The following MXRA7 variants were observed in gnomAD, a reference collection of about 807,000 sequenced individuals.
MXRA7 encodes the protein matrix remodeling associated 7.
A neutral mutation model predicts 17.4 loss-of-function variants in MXRA7; 18 were observed. That is an observed-to-expected ratio of 1.03 (90% CI 0.71 to 1.53). The LOEUF is 1.53. Among genes scored for constraint, MXRA7 ranks in the 40% most tolerant of loss-of-function variants. The probability of loss-of-function intolerance (pLI) is 0.00; values close to 1 mark genes in which losing one functional copy is unlikely to be tolerated. For missense variants in MXRA7, 141 were observed against 209.3 expected (o/e 0.67, Z 2.01); for synonymous variants, 70 against 101.7 (o/e 0.69, Z 1.87).
chr17:76,691,981 C>T (rs909632631), intron 1 of MXRA7, among the ~76,000 whole-genome samples: 6 of 152,186 alleles, frequency 3.9e-5, no homozygotes, highest in Non-Finnish European at 8.8e-5. Flanking sequence ...TGAGCCAGGG[C>T]AGATCCGTAT....
chr17:76,692,499 C>T (rs568765107), intron 1 of MXRA7, among the ~76,000 whole-genome samples: 7 of 152,064 alleles, frequency 4.6e-5, no homozygotes, highest in East Asian at 1.9e-4. Context: ...GTGATCCGCC[C>T]GTCTCGGCCT....
chr17:76,687,344 T>C (rs2076410878), intron 2 of MXRA7, among the ~76,000 whole-genome samples: 1 of 152,220 alleles, frequency 6.6e-6, no homozygotes, highest in African/African-American at 2.4e-5. Flanking sequence ...ACCTTCTCTT[T>C]CCACTGCTCC....
At chr17:76,697,931 CG>C (rs1232800696) in intron 1 of MXRA7, among the ~76,000 whole-genome samples, 1 of 126,504 alleles carries the variant, frequency 7.9e-6, no homozygotes, top group Non-Finnish European at 1.7e-5. Context: ...ATAGATAAGG[CG>C]GGGGGAGGGG....
At position 76,706,964 on chromosome 17, in the gene MXRA7, T is replaced by G. The variant is rs535964464; in HGVS notation, c.342+3641A>C. Among the ~76,000 whole-genome samples, 10 of 152,274 alleles carry G rather than the reference T, an allele frequency of 6.6e-5. No individual in the cohort carries two copies. In the South Asian group the frequency reaches 2.1e-3, roughly 32 times the overall value. ...TGTGTGTGTGTGTGCATGTAACTAT[T>G]TGAATCATGACATGTCATCCCAAAA... is the stretch of plus-strand genomic sequence containing the variant. On this transcript the variant is annotated intron_variant, in intron 1 of 3. Coordinates refer to ENST00000449428, the MANE Select transcript of MXRA7 (RefSeq NM_198530.4).
chr17:76,696,120 CAG>C (rs1351912843), intron 1 of MXRA7, among the ~76,000 whole-genome samples: 1 of 151,978 alleles, frequency 6.6e-6, no homozygotes, highest in Non-Finnish European at 1.5e-5. Context: ...AAGAAAGAAA[CAG>C]TGTGCAGAAA....
In MXRA7 at chr17:76,700,668, G is replaced by A. The variant is rs149083065; in HGVS notation, c.342+9937C>T. Among the ~76,000 whole-genome samples, 370 of 152,376 alleles carry A rather than the reference G, an allele frequency of 2.4e-3. 4 individuals are homozygous for A. Among genetic ancestry groups the A allele is most frequent in the African/African-American group, 8.5e-3 (353 of 41,592 alleles). On this transcript the variant is annotated intron_variant, in intron 1 of 3. Transcript: ENST00000449428. ...GCCTACTGCGTGCGGGCCTGTTGCA[G>A]GAGCTGGGATGTGGCGGGCAAGGGC... is the stretch of plus-strand genomic sequence containing the variant.
At chr17:76,674,027 C>T (rs2076221757) in exon 4 of MXRA7, 1 of 152,428 alleles carries the variant, frequency 6.6e-6, no homozygotes, top group East Asian at 1.9e-4. Context: ...GCAGGGTTCT[C>T]AGCAGTGATG....
In MXRA7 at chr17:76,710,739, C is replaced by T. The variant is rs766228678; in HGVS notation, c.208G>A (p.Gly70Arg). The change falls in exon 1 of 4, where the codon GGG becomes AGG. Residue 70 changes from glycine (G) to arginine (R), a missense_variant. By Grantham distance (125) the Gly-to-Arg change is moderately radical (BLOSUM62 -2). Around this residue, in one of 3 missense-constraint regions of MXRA7, gnomAD observed 72 missense variants for 111.9 expected, o/e 0.64. Coordinates refer to ENST00000449428, the MANE Select transcript of MXRA7 (RefSeq NM_198530.4). Reference sequence around the variant, plus strand: ...GCGGGCTCTCCAGGCTCCTCCGGCCCCGCGGGCGAGGCCGCCGGCTCGGGG... The same window carrying T: ...GCGGGCTCTCCAGGCTCCTCCGGCCTCGCGGGCGAGGCCGCCGGCTCGGGG... ...CAPEPAASPA[G>R]PEEPGEPAGL... 8.9e-7 allele frequency: 1 copy of T among 1,122,874 alleles called. No individual in the cohort carries two copies. Among genetic ancestry groups the T allele is most frequent in the South Asian group, 4.4e-5 (1 of 22,626 alleles). 69.6% of individuals were successfully genotyped at this position (1,122,874 alleles called of 1,614,324 possible).
At chr17:76,687,998 G>A (rs2286589) in intron 2 of MXRA7, 115 bp downstream of exon 2, 225,053 of 695,844 alleles carry the variant, frequency 0.32, 49,123 homozygotes, top group South Asian at 0.45. Flanking sequence ...TCAGGCCACT[G>A]TCCCACCCCA....
chr17:76,703,296 A>G (rs1323894847), intron 1 of MXRA7, among the ~76,000 whole-genome samples: 1 of 152,084 alleles, frequency 6.6e-6, no homozygotes, highest in African/African-American at 2.4e-5. Flanking sequence ...TCACTTGAAA[A>G]CATTAAATAC....
At chr17:76,683,200 C>T (rs2076332112) in intron 3 of MXRA7, among the ~76,000 whole-genome samples, 1 of 152,208 alleles carries the variant, frequency 6.6e-6, no homozygotes, top group Admixed American at 6.5e-5. Context: ...CAACCTTTTT[C>T]TGCAAACAGC....
intron 1 of MXRA7, among the ~76,000 whole-genome samples, chr17:76,706,594 C>T (rs2076664587): frequency 6.6e-6 from 1 of 152,360 alleles, no homozygotes; most frequent in African/African-American, 2.4e-5. Context: ...CCAGAGCCCA[C>T]ACCTATGGTG....
intron 1 of MXRA7, among the ~76,000 whole-genome samples, chr17:76,690,571 A>G (rs567792312): frequency 5.9e-5 from 9 of 152,182 alleles, no homozygotes; most frequent in Middle Eastern, 3.4e-3. Context: ...TTAGCTGTGC[A>G]TGGTGGCACG....
downstream of MXRA7, chr17:76,676,748 A>G (rs6501918): frequency 0.2 from 30,428 of 152,096 alleles, 4,057 homozygotes; most frequent in East Asian, 0.62. Flanking sequence ...AAAGAAAAAG[A>G]AAAAAACGCT....
chr17:76,675,351 A>C (rs2076231459), downstream of MXRA7: 1 of 148,804 alleles, frequency 6.7e-6, no homozygotes, highest in Non-Finnish European at 1.5e-5. Context: ...ACATTAGCTG[A>C]GGTAAGGGGT....
chr17:76,702,875 A>ATATATATATATACGTG (rs2076608502), intron 1 of MXRA7, among the ~76,000 whole-genome samples: 1 of 145,820 alleles, frequency 6.9e-6, no homozygotes, highest in African/African-American at 2.6e-5. Context: ...ATATATACGT[A>ATATATATATATACGTG]TATATATATA....
intron 1 of MXRA7, among the ~76,000 whole-genome samples, chr17:76,701,354 C>T (rs2076588900): frequency 7.1e-6 from 1 of 140,888 alleles, no homozygotes; most frequent in South Asian, 2.5e-4. Flanking sequence ...AGCAGCTGAG[C>T]GTCGGGGGGG....
At chr17:76,691,627 T>G (rs1378971265) in intron 1 of MXRA7, among the ~76,000 whole-genome samples, 3 of 152,144 alleles carry the variant, frequency 2.0e-5, no homozygotes, top group Non-Finnish European at 4.4e-5. Flanking sequence ...TCTGGGTGGC[T>G]GGAGAAGGTG....
intron 1 of MXRA7, among the ~76,000 whole-genome samples, chr17:76,706,033 CCCACTCTGCTATCACAA>C (rs2076650889): frequency 2.0e-5 from 3 of 147,808 alleles, no homozygotes; most frequent in Admixed American, 2.0e-4. Context: ...ATCACGAAGG[CCCACTCTGCTATCACAA>C]AGGACCACAC....
Sources: allele counts gnomAD v4.1 joint callset (sites outside exome capture counted in the v4.1 genomes callset), GRCh38; gene constraint gnomAD v4.1.1; regional missense constraint gnomAD v4.1.1; transcripts MANE v1.5; gene names NCBI Gene and HGNC (gene_info 2026-07-23, HGNC 2026-07-21).